The following LTBP1 variants were observed in gnomAD, a reference collection of about 807,000 sequenced individuals.
LTBP1 encodes the protein latent transforming growth factor beta binding protein 1.
A neutral mutation model predicts 207.6 loss-of-function variants in LTBP1; 129 were observed. The observed-to-expected ratio is 0.62, with a 90% CI of 0.54 to 0.72. The LOEUF is 0.72. Ranked by LOEUF, LTBP1 falls within the 30% of genes least tolerant of loss-of-function variation. The pLI is 0.00. For missense variants in LTBP1, 2,281 were observed against 2,217.2 expected, an observed-to-expected ratio of 1.03 and a Z score of -0.58; for synonymous variants, 963 against 833.7, an observed-to-expected ratio of 1.16 and a Z score of -2.67.
At chr2:33,348,651 T>C (rs1189278838) in intron 26 of LTBP1, among the ~76,000 whole-genome samples, 3 of 152,206 alleles carry the variant, frequency 2.0e-5, no homozygotes, top group African/African-American at 7.2e-5. Flanking sequence ...ACCTCACCTA[T>C]AGTGTTATTT....
chr2:33,109,738 G>A (rs138110769), intron 3 of LTBP1, among the ~76,000 whole-genome samples: 205 of 152,142 alleles, frequency 1.3e-3, no homozygotes, highest in African/African-American at 4.8e-3. Context: ...TCCCTAAAGC[G>A]GCATCGTAAT....
chr2:33,371,186 C>T (rs1164316143), intron 31 of LTBP1, among the ~76,000 whole-genome samples: 1 of 152,210 alleles, frequency 6.6e-6, no homozygotes, highest in East Asian at 1.9e-4. Context: ...TGCTCCACTA[C>T]AGAGGCCAGA....
chr2:33,249,079 G>T (rs2092598298), intron 10 of LTBP1, among the ~76,000 whole-genome samples: 1 of 152,106 alleles, frequency 6.6e-6, no homozygotes, highest in Non-Finnish European at 1.5e-5. Flanking sequence ...AATGATTAAG[G>T]ATATTACAGA....
At chr2:33,225,431 C>T (rs1223441694) in intron 9 of LTBP1, among the ~76,000 whole-genome samples, 2 of 152,184 alleles carry the variant, frequency 1.3e-5, no homozygotes, top group Non-Finnish European at 2.9e-5. Context: ...TTCCACATGG[C>T]TGGGGAAGCC....
intron 31 of LTBP1, among the ~76,000 whole-genome samples, chr2:33,383,725 CAG>C (rs1277838730): frequency 6.6e-6 from 1 of 152,040 alleles, no homozygotes. Flanking sequence ...TTTGTGGAGA[CAG>C]AGTTTCACCA....
rs181248317 is a variant in LTBP1, at chr2:33,101,516, A to G, written c.864-9066A>G. ...TGTGAGGCGATGTTATTACCCTTATATCACTATGAAGGAGTTGAGGTAATT... is the reference window on the plus strand; with the variant it reads ...TGTGAGGCGATGTTATTACCCTTATGTCACTATGAAGGAGTTGAGGTAATT... On this transcript the variant is annotated intron_variant, in intron 3 of 33. Coordinates refer to ENST00000404816, the MANE Select transcript of LTBP1 (RefSeq NM_206943.4). 2.6e-5 allele frequency among the ~76,000 whole-genome samples: 4 copies of G among 152,322 alleles called. No individual in the cohort carries two copies. The East Asian group carries it at 5.8e-4, about 22-fold the overall frequency.
In LTBP1 at chr2:33,252,859, G is replaced by A. The variant is rs960255824; in HGVS notation, c.2167+15G>A. ...TCCAGGCACAGGTAAGACATGCCCA[G>A]CTGTATGCGCACATAGATTCCCAGC... is the stretch of plus-strand genomic sequence containing the variant. On this transcript the variant is annotated intron_variant, in intron 11 of 33. Coordinates refer to ENST00000404816, the MANE Select transcript of LTBP1 (RefSeq NM_206943.4). 1.2e-5 allele frequency: 19 copies of A among 1,582,086 alleles called. No individual in the cohort carries two copies. Among genetic ancestry groups the A allele is most frequent in the Non-Finnish European group, 1.5e-5 (17 of 1,158,852 alleles).
rs1293018624 is a variant in LTBP1 at position 33,361,513 on chromosome 2, A to C, written c.4268A>C (p.Lys1423Thr). ...TCTGAAGCTGGTGGTGAGAACTATA[A>C]AGGTCAGAATCAAGTGGAAACAAAT... Reference protein sequence around the residue: ...SSSEAGGENYKDADECLLFGQ... With the variant: ...SSSEAGGENYTDADECLLFGQ... The change falls in exon 28 of 34, where the codon AAA (lysine) becomes ACA (threonine). Residue 1423 changes from lysine (K) to threonine (T), a missense_variant and splice_region_variant. By Grantham distance (78) the Lys-to-Thr change is moderately conservative (BLOSUM62 -1). This residue lies in a region of LTBP1 where 1,671 missense variants were observed against 1,634.8 expected (regional missense o/e 1.02). Coordinates refer to ENST00000404816, the MANE Select transcript of LTBP1 (RefSeq NM_206943.4). The C allele has an allele frequency of 1.2e-6, 2 of 1,611,804 alleles. No homozygotes were observed. Among genetic ancestry groups the C allele is most frequent in the Admixed American group, 1.7e-5 (1 of 59,884 alleles).
chr2:33,287,851 A>G (rs1054726046), intron 19 of LTBP1, among the ~76,000 whole-genome samples: 7 of 152,210 alleles, frequency 4.6e-5, no homozygotes, highest in Admixed American at 4.6e-4. Flanking sequence ...TATACCTCAA[A>G]TGCAGTTGAG....
chr2:33,397,524 T>TTTTTTTGATGG (rs2095369842), intron 33 of LTBP1, among the ~76,000 whole-genome samples: 1 of 148,852 alleles, frequency 6.7e-6, no homozygotes, highest in African/African-American at 2.5e-5. Context: ...TTTTTTTTTT[T>TTTTTTTGATGG]GAGATGGAGT....
intron 3 of LTBP1, among the ~76,000 whole-genome samples, chr2:33,066,639 A>G (rs2077524375): frequency 6.6e-6 from 1 of 152,254 alleles, no homozygotes; most frequent in South Asian, 2.1e-4. Context: ...GTATGCTGAC[A>G]TTACCAGACT....
Position 33,009,185 on chromosome 2 carries a change from G to T in LTBP1, c.566-11724G>T, listed in dbSNP as rs545842807. On this transcript the variant is annotated intron_variant, in intron 2 of 33. Coordinates refer to ENST00000404816, the MANE Select transcript of LTBP1 (RefSeq NM_206943.4). ...TAAGGTGGCTGGGAGAAGGGTTTGC[G>T]GGGAGGTGGTGAGAAAAATGGTCAG... 2.6e-5 allele frequency among the ~76,000 whole-genome samples: 4 copies of T among 152,294 alleles called. No homozygotes were observed. The East Asian group carries it at 5.8e-4, about 22-fold the overall frequency.
chr2:33,033,726 G>C (rs753232378), intron 3 of LTBP1, among the ~76,000 whole-genome samples: 5 of 151,686 alleles, frequency 3.3e-5, no homozygotes, highest in Non-Finnish European at 5.9e-5. Context: ...CTAGTGTTTA[G>C]GAAAAAATGC....
intron 5 of LTBP1, among the ~76,000 whole-genome samples, chr2:33,158,821 T>G (rs2084218465): frequency 6.6e-6 from 1 of 152,146 alleles, no homozygotes; most frequent in South Asian, 2.1e-4. Context: ...CTAACCCCGA[T>G]CCTTTAAATA....
At chr2:33,266,330 G>A (rs772970150) in intron 15 of LTBP1, among the ~76,000 whole-genome samples, 1 of 152,200 alleles carries the variant, frequency 6.6e-6, no homozygotes, top group Non-Finnish European at 1.5e-5. Context: ...GCTCAGTGTG[G>A]GCTTGCAGGT....
chr2:33,020,819 A>G, intron 2 of LTBP1, 90 bp from the exon 3 acceptor site: 1 of 1,298,488 alleles, frequency 7.7e-7, no homozygotes, highest in Non-Finnish European at 1.0e-6. Flanking sequence ...TGGAGAACAA[A>G]CAACCTGATG....
At chr2:33,107,141 A>G (rs1400054560) in intron 3 of LTBP1, among the ~76,000 whole-genome samples, 1 of 152,244 alleles carries the variant, frequency 6.6e-6, no homozygotes, top group Admixed American at 6.5e-5. Context: ...TGAAAAGAAT[A>G]GCTTAGAAGA....
At chr2:33,222,222 C>A in intron 9 of LTBP1, 71 bp downstream of exon 9, 1 of 1,084,842 alleles carries the variant, frequency 9.2e-7, no homozygotes, top group South Asian at 1.3e-5. Context: ...CAGTTGTTTG[C>A]CACGGCTTGC....
intron 20 of LTBP1, among the ~76,000 whole-genome samples, chr2:33,296,711 T>C (rs1260449442): frequency 6.6e-6 from 1 of 152,126 alleles, no homozygotes; most frequent in African/African-American, 2.4e-5. Flanking sequence ...ATATATAATG[T>C]CTAAAGTCTA....
Sources: gnomAD v4.1 joint callset for allele counts (sites outside exome capture counted in the v4.1 genomes callset) on GRCh38, gnomAD v4.1.1 for gene constraint, gnomAD v4.1.1 regional missense constraint, MANE v1.5 for transcripts, NCBI Gene and HGNC (gene_info 2026-07-23, HGNC 2026-07-21) for gene names.